UBE3B: variants seen among roughly 807,000 people sequenced by gnomAD.
UBE3B encodes the protein ubiquitin protein ligase E3B, also known as ubiquitin-protein ligase E3B.
In UBE3B, 80 loss-of-function variants were observed where a neutral mutation model predicts 132.3. The observed-to-expected ratio is 0.60, with a 90% CI of 0.50 to 0.73. UBE3B has a LOEUF of 0.73. Ranked by LOEUF, UBE3B falls within the 30% of genes least tolerant of loss-of-function variation. UBE3B has a pLI of 0.00. For synonymous variants in UBE3B, 487 were observed against 520.4 expected, an observed-to-expected ratio of 0.94 and a Z score of 0.87; for missense variants, 1,196 against 1,362.5, an observed-to-expected ratio of 0.88 and a Z score of 1.92.
At position 109,522,132 on chromosome 12, in the gene UBE3B, G is replaced by A. The variant is rs1881786386; in HGVS notation, c.2364+581G>A. Reference sequence around the variant, plus strand: ...TAAGCCGTGTTCTCGCATCAGTAAAGTGGAGATAAGAAAAGCCACATTCCT... The same window carrying A: ...TAAGCCGTGTTCTCGCATCAGTAAAATGGAGATAAGAAAAGCCACATTCCT... On this transcript the variant is annotated intron_variant, in intron 21 of 27. Coordinates refer to ENST00000342494, the MANE Select transcript of UBE3B (RefSeq NM_130466.4). This position sits in a 1 kb window ranked among gnomAD's most constrained non-coding sequence, Gnocchi z 4.2. Among the ~76,000 whole-genome samples, 1 of 152,240 alleles carries A rather than the reference G, an allele frequency of 6.6e-6. No homozygotes were observed. The highest frequency in any genetic ancestry group is 6.5e-5 in the Admixed American group (1 of 15,286).
At position 109,498,216 on chromosome 12, in the gene UBE3B, T is replaced by C. The variant is rs745881276; in HGVS notation, c.820-17T>C. 1.2e-6 allele frequency: 2 copies of C among 1,613,392 alleles called. No individual in the cohort carries two copies. The highest frequency in any genetic ancestry group is 1.7e-6 in the Non-Finnish European group (2 of 1,179,630). Reference sequence around the variant, plus strand: ...TTTCTGGCAGTTTCTGATTTAACGGTCTGCTATTCTTTGCAGCGCCTCACT... The same window carrying C: ...TTTCTGGCAGTTTCTGATTTAACGGCCTGCTATTCTTTGCAGCGCCTCACT... On this transcript the variant is annotated splice_polypyrimidine_tract_variant and intron_variant, in intron 10 of 27. Coordinates refer to ENST00000342494, the MANE Select transcript of UBE3B (RefSeq NM_130466.4).
At chr12:109,500,013 A>C (rs1878761028) in intron 12 of UBE3B, among the ~76,000 whole-genome samples, 1 of 152,228 alleles carries the variant, frequency 6.6e-6, no homozygotes, top group African/African-American at 2.4e-5. Flanking sequence ...ACTTGAGTGA[A>C]CATCCTGTCA....
At chr12:109,543,882 A>G in the UBE3B span, among the ~76,000 whole-genome samples, 1 of 151,588 alleles carries the variant, frequency 6.6e-6, no homozygotes, top group Non-Finnish European at 1.5e-5. Flanking sequence ...ACAGCCAGAG[A>G]TGGTACCATA....
intron 15 of UBE3B, chr12:109,508,843 A>G: frequency 1.6e-5 from 12 of 749,476 alleles, no homozygotes; most frequent in Non-Finnish European, 1.8e-5. Context: ...TTTACTCACA[A>G]ATGCTTACTA....
At chr12:109,532,077 T>G (rs1451403873) in intron 26 of UBE3B, among the ~76,000 whole-genome samples, 2 of 152,214 alleles carry the variant, frequency 1.3e-5, no homozygotes, top group Non-Finnish European at 2.9e-5. Context: ...GGGTTTCCTG[T>G]GTCCTCCGCC....
chr12:109,477,663 C>T lies in UBE3B; in HGVS notation c.-574C>T, dbSNP rs1005716533. 3.8e-5 allele frequency: 8 copies of T among 211,306 alleles called. No individual in the cohort carries two copies. Among genetic ancestry groups the T allele is most frequent in the Non-Finnish European group, 6.8e-5 (7 of 103,636 alleles). The allele number at this position is 211,306 out of a possible 1,614,324, so 13.1% of individuals were successfully genotyped here. A position where few individuals can be genotyped will look rare whatever the true frequency, so the allele number is the denominator to read the frequency against. On this transcript the variant is annotated 5_prime_UTR_variant, in exon 1 of 28. Coordinates refer to ENST00000342494, the MANE Select transcript of UBE3B (RefSeq NM_130466.4). ...ACCGCGGGGCAAGATGGCGGTAGTGCGTCGGCTGCTGCCCCGGGTCTGGCA... is the reference window on the plus strand; with the variant it reads ...ACCGCGGGGCAAGATGGCGGTAGTGTGTCGGCTGCTGCCCCGGGTCTGGCA...
chr12:109,508,909 T>G (rs891153772), intron 15 of UBE3B: 2 of 254,356 alleles, frequency 7.9e-6, no homozygotes, highest in Non-Finnish European at 1.2e-5. Context: ...ATTCTGCAGC[T>G]TTCCTCAGTA....
At chr12:109,488,766 T>A in intron 7 of UBE3B, 98 bp downstream of exon 7, 1 of 1,118,932 alleles carries the variant, frequency 8.9e-7, no homozygotes, top group East Asian at 2.4e-5. Context: ...GCCACAAGCC[T>A]CAGGGAAGGC....
chr12:109,526,280 C>A, intron 23 of UBE3B, 78 bp from the exon 24 acceptor site: 1 of 1,376,718 alleles, frequency 7.3e-7, no homozygotes, highest in Non-Finnish European at 1.0e-6. Flanking sequence ...GATGTTTGTG[C>A]TGGGCCCTCT....
chr12:109,543,402 G>A, the UBE3B span, among the ~76,000 whole-genome samples: 3 of 152,196 alleles, frequency 2.0e-5, no homozygotes, highest in Non-Finnish European at 2.9e-5. Context: ...AGCAGGACTC[G>A]GCTGAGGCCC....
At chr12:109,491,999 G>T (rs1273735562) in intron 9 of UBE3B, 1 of 152,190 alleles carries the variant, frequency 6.6e-6, no homozygotes, top group Non-Finnish European at 1.5e-5. Context: ...ATGGGCTAGA[G>T]CATGGGTTGG....
intron 9 of UBE3B, 165 bp downstream of exon 9, chr12:109,491,292 A>G (rs1410788545): frequency 2.0e-6 from 1 of 503,958 alleles, no homozygotes; most frequent in Admixed American, 3.7e-5. Flanking sequence ...GACTGCTCAA[A>G]CTTTTTCTTA....
rs201130963 is a variant in UBE3B at position 109,503,195 on chromosome 12, G to A, written c.1450+5G>A. 11 of 1,613,634 alleles carry A rather than the reference G, an allele frequency of 6.8e-6. No homozygotes were observed. Among genetic ancestry groups the A allele is most frequent in the African/African-American group, 5.3e-5 (4 of 75,032 alleles). Reference sequence around the variant, plus strand: ...TTCGGCTGCAGATACTCACAGGTTCGCAGTCCCCAGGGCATCTTCTTCACC... The same window carrying A: ...TTCGGCTGCAGATACTCACAGGTTCACAGTCCCCAGGGCATCTTCTTCACC... On this transcript the variant is annotated splice_donor_5th_base_variant and intron_variant, in intron 14 of 27. Coordinates refer to ENST00000342494, the MANE Select transcript of UBE3B (RefSeq NM_130466.4).
chr12:109,484,146 G>T, intron 4 of UBE3B, 165 bp downstream of exon 4: 1 of 633,954 alleles, frequency 1.6e-6, no homozygotes, highest in South Asian at 3.4e-5. Context: ...ATTATGCCCA[G>T]TGCTTTTAGG....
chr12:109,541,467 G>A (rs1883610450), downstream of UBE3B, among the ~76,000 whole-genome samples: 1 of 152,234 alleles, frequency 6.6e-6, no homozygotes, highest in African/African-American at 2.4e-5. Context: ...AGGATTAAAC[G>A]AGGTCACATC....
chr12:109,507,859 T>C, intron 15 of UBE3B, 124 bp downstream of exon 15: 1 of 1,139,272 alleles, frequency 8.8e-7, no homozygotes, highest in Non-Finnish European at 1.2e-6. Context: ...TGGCAGGGCA[T>C]TGTAAGAACT....
chr12:109,514,094 C>T (rs906483383), intron 18 of UBE3B, among the ~76,000 whole-genome samples: 2 of 152,226 alleles, frequency 1.3e-5, no homozygotes, highest in African/African-American at 4.8e-5. Context: ...CTCAGCTCTG[C>T]CTGGCTCACG....
chr12:109,526,075 T>C (rs1373025995), intron 23 of UBE3B, among the ~76,000 whole-genome samples: 5 of 152,146 alleles, frequency 3.3e-5, no homozygotes, highest in Admixed American at 3.3e-4. Context: ...ACCGTCCTAC[T>C]CTACTCCGAA....
the UBE3B span, among the ~76,000 whole-genome samples, chr12:109,545,269 G>A: frequency 1.9e-4 from 29 of 152,166 alleles, no homozygotes; most frequent in Non-Finnish European, 3.2e-4. Context: ...GCCGGGCCCC[G>A]CCCAGGAAGC....
Sources: allele counts gnomAD v4.1 joint callset (sites outside exome capture counted in the v4.1 genomes callset), GRCh38; gene constraint gnomAD v4.1.1; non-coding constraint Gnocchi (gnomAD v3.1); transcripts MANE v1.5; gene names NCBI Gene and HGNC (gene_info 2026-07-23, HGNC 2026-07-21).